Variants in TTC28 observed in about 807,000 individuals in gnomAD.
TTC28 encodes tetratricopeptide repeat domain 28.
Under a neutral mutation model 198.0 loss-of-function variants are expected in TTC28, and 61 were observed. The observed-to-expected ratio is 0.31, with a 90% CI of 0.25 to 0.38. The LOEUF (loss-of-function observed/expected upper bound fraction) is 0.38. Among genes scored for constraint, TTC28 ranks in the 10% least tolerant of loss-of-function variants. The pLI is 1.00. For synonymous variants in TTC28, 1,171 were observed against 1,297.8 expected (o/e 0.90, Z 2.10); for missense variants, 2,678 against 3,164.0 (o/e 0.85, Z 3.69).
intron 13 of TTC28, among the ~76,000 whole-genome samples, chr22:28,022,620 G>C (rs999752716): frequency 1.3e-5 from 2 of 152,184 alleles, no homozygotes; most frequent in South Asian, 2.1e-4. Flanking sequence ...TGCTGGGATC[G>C]AGCTACCTGG....
chr22:28,049,679 T>C (rs185317388), intron 12 of TTC28, among the ~76,000 whole-genome samples: 14 of 151,720 alleles, frequency 9.2e-5, no homozygotes, highest in African/African-American at 3.4e-4. Flanking sequence ...TAATGTGAGG[T>C]GGTAAGCATA....
chr22:28,441,158 C>G (rs938168846), intron 2 of TTC28, among the ~76,000 whole-genome samples: 5 of 152,186 alleles, frequency 3.3e-5, no homozygotes, highest in Non-Finnish European at 7.3e-5. Flanking sequence ...AATAATACTT[C>G]CGTGGTTCAA....
At chr22:28,045,065 G>T (rs1028418567) in intron 12 of TTC28, among the ~76,000 whole-genome samples, 2 of 152,148 alleles carry the variant, frequency 1.3e-5, no homozygotes, top group Non-Finnish European at 2.9e-5. Context: ...CCGAGAAAGT[G>T]TTAGCAATGG....
chr22:28,346,175 C>A (rs143661352), intron 2 of TTC28, among the ~76,000 whole-genome samples: 11 of 152,192 alleles, frequency 7.2e-5, no homozygotes, highest in African/African-American at 2.6e-4. Context: ...TTGCCCAAGG[C>A]CATAAGGTAG....
chr22:28,303,505 G>A (rs1601602468), intron 3 of TTC28, among the ~76,000 whole-genome samples: 2 of 152,112 alleles, frequency 1.3e-5, no homozygotes, highest in African/African-American at 4.8e-5. Flanking sequence ...AAGTAAAACA[G>A]ATTTAATCAG....
chr22:28,246,117 C>T (rs1930077112), intron 5 of TTC28, among the ~76,000 whole-genome samples: 1 of 152,086 alleles, frequency 6.6e-6, no homozygotes, highest in African/African-American at 2.4e-5. Context: ...CAACATCGTC[C>T]CTTACACATA....
intron 6 of TTC28, among the ~76,000 whole-genome samples, chr22:28,116,683 A>G (rs920431084): frequency 1.8e-4 from 27 of 152,260 alleles, no homozygotes; most frequent in African/African-American, 6.3e-4. Flanking sequence ...ACATTTGTTT[A>G]GAGGCATGGG....
At chr22:28,160,229 C>T (rs1441272179) in intron 6 of TTC28, among the ~76,000 whole-genome samples, 1 of 152,134 alleles carries the variant, frequency 6.6e-6, no homozygotes, top group Non-Finnish European at 1.5e-5. Context: ...TTGTTTGTAA[C>T]ACAAAGAATA....
chr22:28,030,400 G>C (rs1939028916), intron 12 of TTC28, 34 bp from the exon 13 acceptor site: 3 of 1,550,544 alleles, frequency 1.9e-6, no homozygotes, highest in Non-Finnish European at 1.7e-6. Flanking sequence ...GCCAATCAGA[G>C]AAAGGAAGCG....
At chr22:28,025,467 G>A (rs1938794334) in intron 13 of TTC28, among the ~76,000 whole-genome samples, 1 of 152,212 alleles carries the variant, frequency 6.6e-6, no homozygotes, top group Non-Finnish European at 1.5e-5. Flanking sequence ...CACAGACAAA[G>A]GCCTAGACCT....
intron 1 of TTC28, among the ~76,000 whole-genome samples, chr22:28,649,294 C>G (rs550951317): frequency 6.6e-6 from 1 of 152,184 alleles, no homozygotes; most frequent in East Asian, 1.9e-4. Context: ...GATGACTGCA[C>G]TAAAATCTCA....
intron 2 of TTC28, among the ~76,000 whole-genome samples, chr22:28,333,555 T>C (rs1429068467): frequency 6.6e-6 from 1 of 152,068 alleles, no homozygotes; most frequent in African/African-American, 2.4e-5. Flanking sequence ...ATGAACTAGG[T>C]TATATTTACT....
chr22:28,499,305 T>C (rs968611118), intron 2 of TTC28, among the ~76,000 whole-genome samples: 1 of 152,308 alleles, frequency 6.6e-6, no homozygotes, highest in African/African-American at 2.4e-5. Context: ...TTCAACAGTT[T>C]CAAATATCTA....
chr22:28,221,325 G>C (rs568111373), intron 5 of TTC28, among the ~76,000 whole-genome samples: 3 of 152,302 alleles, frequency 2.0e-5, no homozygotes, highest in Admixed American at 2.0e-4. Flanking sequence ...GAGCTTATGA[G>C]TGTCTGGACA....
chr22:28,459,186 G>T (rs1045755558), intron 2 of TTC28, among the ~76,000 whole-genome samples: 1 of 152,166 alleles, frequency 6.6e-6, no homozygotes, highest in Non-Finnish European at 1.5e-5. Context: ...CAGCACTTTG[G>T]GAGGCTGAGG....
At chr22:28,399,761 T>C (rs935646283) in intron 2 of TTC28, among the ~76,000 whole-genome samples, 1 of 152,218 alleles carries the variant, frequency 6.6e-6, no homozygotes. Flanking sequence ...TATTGGTCCA[T>C]ATATTATCCT....
intron 2 of TTC28, among the ~76,000 whole-genome samples, chr22:28,464,992 T>C (rs2047998487): frequency 6.6e-6 from 1 of 152,220 alleles, no homozygotes; most frequent in African/African-American, 2.4e-5. Context: ...TTTCCATTTT[T>C]ATAGACTCCC....
intron 2 of TTC28, among the ~76,000 whole-genome samples, chr22:28,566,064 G>A (rs1448161561): frequency 1.3e-5 from 2 of 151,602 alleles, no homozygotes; most frequent in African/African-American, 2.4e-5. Context: ...AGGAATAACA[G>A]CCTTAGCAGA....
At chr22:28,634,505 CAAAAAAAA>C (rs900765994) in intron 1 of TTC28, among the ~76,000 whole-genome samples, 1 of 45,548 alleles carries the variant, frequency 2.2e-5, no homozygotes, top group African/African-American at 7.4e-5. Flanking sequence ...GACTCCATCT[CAAAAAAAA>C]AAAAAAAAAA....
Sources: gnomAD v4.1 joint callset for allele counts (sites outside exome capture counted in the v4.1 genomes callset) on GRCh38, gnomAD v4.1.1 for gene constraint, MANE v1.5 for transcripts, NCBI Gene and HGNC (gene_info 2026-07-23, HGNC 2026-07-21) for gene names.